RNGTT: variants seen among roughly 807,000 people sequenced by gnomAD.
RNGTT encodes RNA guanylyltransferase and 5'-phosphatase.
RNGTT carries 33 observed loss-of-function variants against 79.3 expected under a neutral mutation model. That is an observed-to-expected ratio of 0.42 (90% CI 0.32 to 0.56). The LOEUF is 0.56. RNGTT is among the 20% of genes least tolerant of loss of function. RNGTT has a pLI of 0.17. For missense variants in RNGTT, 497 were observed against 739.1 expected (o/e 0.67, Z 3.80); for synonymous variants, 222 against 235.9 (o/e 0.94, Z 0.54).
intron 13 of RNGTT, among the ~76,000 whole-genome samples, chr6:88,733,412 G>C (rs186492185): frequency 8.5e-6 from 1 of 118,000 alleles, no homozygotes; most frequent in Admixed American, 1.0e-4. Flanking sequence ...CAAATGCAAA[G>C]AGCAAAAAAA....
intron 13 of RNGTT, among the ~76,000 whole-genome samples, chr6:88,741,375 G>C (rs1305624121): frequency 6.6e-6 from 1 of 152,054 alleles, no homozygotes; most frequent in African/African-American, 2.4e-5. Context: ...CTTATAAGTG[G>C]GAGCTAAACA....
intron 13 of RNGTT, among the ~76,000 whole-genome samples, chr6:88,695,247 T>C (rs1320512700): frequency 6.6e-6 from 1 of 151,976 alleles, no homozygotes; most frequent in Non-Finnish European, 1.5e-5. Flanking sequence ...GGAGAAAATA[T>C]CTGTAAGCGA....
intron 11 of RNGTT, among the ~76,000 whole-genome samples, chr6:88,822,411 C>T (rs374863550): frequency 5.3e-5 from 8 of 152,204 alleles, no homozygotes; most frequent in South Asian, 4.1e-4. Flanking sequence ...ACAAAGGTGA[C>T]GCATAAAAAT....
At chr6:88,732,978 AC>A (rs1777163803) in intron 13 of RNGTT, among the ~76,000 whole-genome samples, 1 of 152,244 alleles carries the variant, frequency 6.6e-6, no homozygotes, top group Non-Finnish European at 1.5e-5. Context: ...TACCACACTA[AC>A]AAAAAAATGA....
Position 88,801,548 on chromosome 6 carries a change from A to C in RNGTT, c.1338+16T>G. The C allele has an allele frequency of 6.2e-7, 1 of 1,605,340 alleles. No individual in the cohort carries two copies. The highest frequency in any genetic ancestry group is 8.5e-7 in the Non-Finnish European group (1 of 1,172,828). On this transcript the variant is annotated intron_variant, in intron 12 of 15. Transcript: ENST00000369485. ...AACACACAAACGAACACACACACAC[A>C]GACAAATGAACTTACTCCAGTAGGC...
chr6:88,755,620 G>A (rs1475493221), intron 13 of RNGTT, among the ~76,000 whole-genome samples: 1 of 151,972 alleles, frequency 6.6e-6, no homozygotes, highest in East Asian at 1.9e-4. Flanking sequence ...AGAAAGGTAA[G>A]GTATTAGAAA....
intron 14 of RNGTT, among the ~76,000 whole-genome samples, chr6:88,666,049 G>A (rs1774394862): frequency 6.6e-6 from 1 of 152,186 alleles, no homozygotes; most frequent in East Asian, 1.9e-4. Context: ...AGAATTATTA[G>A]GAGCTGTGGG....
intron 13 of RNGTT, among the ~76,000 whole-genome samples, chr6:88,731,171 C>A (rs1356430929): frequency 1.3e-5 from 2 of 151,632 alleles, no homozygotes; most frequent in African/African-American, 4.8e-5. Context: ...AGAATAAAAG[C>A]CCCCCCAAAA....
intron 1 of RNGTT, among the ~76,000 whole-genome samples, chr6:88,954,026 C>T (rs549503899): frequency 8.3e-4 from 127 of 152,170 alleles, no homozygotes; most frequent in African/African-American, 2.9e-3. Context: ...ATAGAACATC[C>T]TTAAAGCATA....
intron 9 of RNGTT, among the ~76,000 whole-genome samples, chr6:88,852,944 A>T (rs1450833781): frequency 6.6e-6 from 1 of 152,244 alleles, no homozygotes; most frequent in Non-Finnish European, 1.5e-5. Context: ...TCCAAAACAC[A>T]TTGCTAAGTG....
chr6:88,849,729 G>T, intron 10 of RNGTT, 26 bp downstream of exon 10: 2 of 1,491,570 alleles, frequency 1.3e-6, no homozygotes, highest in Non-Finnish European at 9.0e-7. Context: ...GTAATAACTT[G>T]TATTTTATAA....
At chr6:88,822,879 CG>C (rs35676240) in intron 11 of RNGTT, among the ~76,000 whole-genome samples, 3 of 152,044 alleles carry the variant, frequency 2.0e-5, no homozygotes, top group African/African-American at 4.8e-5. Context: ...GAATAACAAG[CG>C]GGGAGGGTGA....
intron 1 of RNGTT, among the ~76,000 whole-genome samples, chr6:88,943,920 T>C (rs144273815): frequency 0.016 from 2,387 of 152,318 alleles, 118 homozygotes; most frequent in East Asian, 0.096. Flanking sequence ...TCTTTGTGCC[T>C]ACACATATGT....
At chr6:88,916,222 C>T (rs1465261280) in intron 4 of RNGTT, among the ~76,000 whole-genome samples, 1 of 152,204 alleles carries the variant, frequency 6.6e-6, no homozygotes, top group Non-Finnish European at 1.5e-5. Flanking sequence ...TGCCTGTGAT[C>T]CCAGCACTTG....
At chr6:88,928,551 A>G (rs1784391241) in intron 4 of RNGTT, among the ~76,000 whole-genome samples, 1 of 152,204 alleles carries the variant, frequency 6.6e-6, no homozygotes, top group Non-Finnish European at 1.5e-5. Context: ...GGAATTGTGC[A>G]TCAACAAGAG....
At chr6:88,910,922 G>A (rs1428151916) in intron 4 of RNGTT, among the ~76,000 whole-genome samples, 3 of 152,168 alleles carry the variant, frequency 2.0e-5, no homozygotes, top group Non-Finnish European at 2.9e-5. Context: ...AATCTTTGCA[G>A]GATTAGCAAT....
chr6:88,712,183 T>C (rs896534896), intron 13 of RNGTT, among the ~76,000 whole-genome samples: 1 of 152,202 alleles, frequency 6.6e-6, no homozygotes, highest in Non-Finnish European at 1.5e-5. Context: ...CATTACACAC[T>C]GTGAGGATCA....
chr6:88,888,517 C>A (rs1458308190), intron 8 of RNGTT, among the ~76,000 whole-genome samples: 4 of 151,998 alleles, frequency 2.6e-5, no homozygotes, highest in Non-Finnish European at 4.4e-5. Context: ...GTAAATGATC[C>A]AAATTCTGTT....
In RNGTT at chr6:88,739,567, T is replaced by C. The variant is rs191367294; in HGVS notation, c.1439+30207A>G. Among the ~76,000 whole-genome samples the C allele has an allele frequency of 8.0e-4, 121 of 151,914 alleles. 4 individuals are homozygous for C. The highest frequency in any genetic ancestry group is 7.9e-3 in the Admixed American group (121 of 15,234). ...GAGCTTTTGCTTTTAGGAACTATTTTCTAACATGTGACAAAGACAGGCTCA... is the reference window on the plus strand; with the variant it reads ...GAGCTTTTGCTTTTAGGAACTATTTCCTAACATGTGACAAAGACAGGCTCA... On this transcript the variant is annotated intron_variant, in intron 13 of 15. Transcript: ENST00000369485.
Sources: allele counts gnomAD v4.1 joint callset (sites outside exome capture counted in the v4.1 genomes callset), GRCh38; gene constraint gnomAD v4.1.1; transcripts MANE v1.5; gene names NCBI Gene and HGNC (gene_info 2026-07-23, HGNC 2026-07-21).